GABRG1: variants seen among roughly 807,000 people sequenced by gnomAD.
The protein encoded by GABRG1 is gamma-aminobutyric acid type A receptor subunit gamma1, also known as gamma-aminobutyric acid receptor subunit gamma-1.
GABRG1 carries 49 observed loss-of-function variants against 49.8 expected under a neutral mutation model. The observed-to-expected ratio is 0.98, with a 90% CI of 0.78 to 1.25. The LOEUF (loss-of-function observed/expected upper bound fraction) is 1.25, where lower values mean the gene tolerates loss of function less well. Among genes scored for constraint, GABRG1 ranks in the 50% most tolerant of loss-of-function variants. The pLI is 0.00. For synonymous variants in GABRG1, 232 were observed against 185.1 expected (o/e 1.25, Z -2.06); for missense variants, 552 against 552.3 (o/e 1.00, Z 0.01).
intron 3 of GABRG1, among the ~76,000 whole-genome samples, chr4:46,072,716 A>G (rs1452624945): frequency 1.3e-5 from 2 of 152,122 alleles, no homozygotes; most frequent in Admixed American, 6.6e-5. Flanking sequence ...GAAGTGATCT[A>G]CACTGAAAAC....
chr4:46,075,716 G>A (rs1211731266), intron 3 of GABRG1, among the ~76,000 whole-genome samples: 3 of 152,012 alleles, frequency 2.0e-5, no homozygotes, highest in Non-Finnish European at 4.4e-5. Flanking sequence ...AAGAAAGAAA[G>A]AAAGGTCCTT....
At chr4:46,046,997 C>A (rs777274516) in intron 8 of GABRG1, among the ~76,000 whole-genome samples, 19 of 152,022 alleles carry the variant, frequency 1.2e-4, no homozygotes, top group Non-Finnish European at 1.9e-4. Flanking sequence ...AGGTTATTTT[C>A]TTTCCTAAGA....
rs1046163105 is a variant in GABRG1, at chr4:46,082,336, C to T, written c.321+1650G>A. On this transcript the variant is annotated intron_variant, in intron 3 of 8. Transcript: ENST00000295452. ...CTCCCTCCCTTATTTCTCTTCTTCT[C>T]TCCTCTACCTTCTCTACTCCCATAC... is the stretch of plus-strand genomic sequence containing the variant. 2.0e-5 allele frequency among the ~76,000 whole-genome samples: 3 copies of T among 151,522 alleles called. No individual in the cohort carries two copies. The East Asian group carries it at 5.8e-4, about 30-fold the overall frequency.
intron 8 of GABRG1, among the ~76,000 whole-genome samples, chr4:46,047,237 C>G (rs1718034209): frequency 6.6e-6 from 1 of 152,094 alleles, no homozygotes; most frequent in African/African-American, 2.4e-5. Flanking sequence ...TATTGGACAG[C>G]ACAGCTTGGG....
intron 1 of GABRG1, among the ~76,000 whole-genome samples, chr4:46,108,258 G>C (rs1577668622): frequency 6.6e-6 from 1 of 150,932 alleles, no homozygotes; most frequent in African/African-American, 2.4e-5. Context: ...TGGCCTGTCA[G>C]GGTCAAGCCA....
chr4:46,103,034 A>C (rs1364706464), intron 1 of GABRG1, among the ~76,000 whole-genome samples: 1 of 151,650 alleles, frequency 6.6e-6, no homozygotes, highest in Non-Finnish European at 1.5e-5. Flanking sequence ...GCAGCTTCTC[A>C]TCACAAAATG....
At chr4:46,047,863 A>T (rs947629734) in intron 8 of GABRG1, among the ~76,000 whole-genome samples, 3 of 151,924 alleles carry the variant, frequency 2.0e-5, no homozygotes, top group Non-Finnish European at 4.4e-5. Context: ...TCACAACTGG[A>T]TGTAATCATC....
chr4:46,119,525 C>A (rs986732108), intron 1 of GABRG1, among the ~76,000 whole-genome samples: 3 of 151,228 alleles, frequency 2.0e-5, no homozygotes, highest in African/African-American at 4.8e-5. Flanking sequence ...AGGCTATATT[C>A]TTCTTCTTCT....
intron 8 of GABRG1, among the ~76,000 whole-genome samples, chr4:46,050,148 G>A (rs1718160498): frequency 6.6e-6 from 1 of 151,880 alleles, no homozygotes; most frequent in South Asian, 2.1e-4. Context: ...TATTATAGTT[G>A]ACTTCTGATT....
chr4:46,080,092 A>C (rs1194405555), intron 3 of GABRG1, among the ~76,000 whole-genome samples: 2 of 151,902 alleles, frequency 1.3e-5, no homozygotes, highest in Non-Finnish European at 2.9e-5. Context: ...TTGTAGAATA[A>C]TGTCGTTTTA....
rs550936070 is a variant in GABRG1, at chr4:46,117,749, C to A, written c.104+6061G>T. ...ATACATATATACATATACACATATA[C>A]ATACATGTATATACATATACATATA... On this transcript the variant is annotated intron_variant, in intron 1 of 8. Transcript: ENST00000295452. Among the ~76,000 whole-genome samples, 267 of 141,694 alleles carry A rather than the reference C, an allele frequency of 1.9e-3. 2 individuals are homozygous for A. The highest frequency in any genetic ancestry group is 4.4e-3 in the Middle Eastern group (1 of 228). The allele number at this position is 141,694 out of a possible 152,430, so 93.0% of individuals were successfully genotyped here.
At chr4:46,092,299 G>A (rs538825734) in intron 2 of GABRG1, among the ~76,000 whole-genome samples, 1 of 151,938 alleles carries the variant, frequency 6.6e-6, no homozygotes, top group South Asian at 2.1e-4. Flanking sequence ...GATAAATATA[G>A]AATAAAACAT....
chr4:46,079,294 C>CT (rs1719475894), intron 3 of GABRG1, among the ~76,000 whole-genome samples: 2 of 151,766 alleles, frequency 1.3e-5, no homozygotes. Context: ...TTCCCAGCTC[C>CT]TTTTTAAATT....
At chr4:46,053,431 G>C (rs1718312977) in intron 7 of GABRG1, among the ~76,000 whole-genome samples, 1 of 121,472 alleles carries the variant, frequency 8.2e-6, no homozygotes, top group African/African-American at 3.5e-5. Context: ...TGAGAAAACA[G>C]TATGGTTGCA....
intron 1 of GABRG1, among the ~76,000 whole-genome samples, chr4:46,115,798 G>T (rs543070817): frequency 6.6e-6 from 1 of 150,420 alleles, no homozygotes; most frequent in African/African-American, 2.4e-5. Context: ...AAAATGAGTC[G>T]GACAATTGCC....
chr4:46,082,482 A>G (rs1719612214), intron 3 of GABRG1, among the ~76,000 whole-genome samples: 1 of 151,814 alleles, frequency 6.6e-6, no homozygotes, highest in African/African-American at 2.4e-5. Flanking sequence ...CTATCCCTGC[A>G]GGAACCATAT....
intron 8 of GABRG1, among the ~76,000 whole-genome samples, chr4:46,046,835 T>C (rs1291913869): frequency 1.3e-5 from 2 of 152,142 alleles, no homozygotes; most frequent in African/African-American, 2.4e-5. Context: ...ATACTATTTC[T>C]AATTATCTTC....
chr4:46,072,452 T>A (rs769595519), intron 3 of GABRG1, among the ~76,000 whole-genome samples: 1 of 152,052 alleles, frequency 6.6e-6, no homozygotes, highest in Non-Finnish European at 1.5e-5. Context: ...TTTATAAAAA[T>A]TATCCATGTG....
intron 3 of GABRG1, among the ~76,000 whole-genome samples, chr4:46,076,590 G>A (rs1053338494): frequency 7.9e-5 from 12 of 151,210 alleles, no homozygotes; most frequent in Non-Finnish European, 1.5e-5. Flanking sequence ...GTTAAAGCAA[G>A]GCCAAAAACC....
Sources: allele counts gnomAD v4.1 joint callset (sites outside exome capture counted in the v4.1 genomes callset), GRCh38; gene constraint gnomAD v4.1.1; transcripts MANE v1.5; gene names NCBI Gene and HGNC (gene_info 2026-07-23, HGNC 2026-07-21).